The following ZFP2 variants were observed in gnomAD, a reference collection of about 807,000 sequenced individuals.
The protein encoded by ZFP2 is zinc finger protein ZFP2.
In ZFP2, 33 loss-of-function variants were observed where a neutral mutation model predicts 36.1. The observed-to-expected ratio is 0.92, with a 90% CI of 0.69 to 1.22. ZFP2 has a LOEUF of 1.22. ZFP2 is among the 50% of genes most tolerant of loss of function. The probability of loss-of-function intolerance (pLI) is 0.00; values close to 1 mark genes in which losing one functional copy is unlikely to be tolerated. For synonymous variants in ZFP2, 170 were observed against 178.0 expected (o/e 0.96, Z 0.36); for missense variants, 522 against 551.4 (o/e 0.95, Z 0.53).
chr5:178,916,123 C>G (rs1758426342), intron 3 of ZFP2, among the ~76,000 whole-genome samples: 1 of 140,096 alleles, frequency 7.1e-6, no homozygotes. Context: ...GGTGAGTGGT[C>G]CAAGGAGGAG....
intron 4 of ZFP2, 119 bp from the exon 5 acceptor site, chr5:178,931,118 A>C (rs534524667): frequency 2.6e-6 from 3 of 1,160,612 alleles, no homozygotes; most frequent in South Asian, 4.0e-5. Flanking sequence ...AAAGCTCTCA[A>C]ATGTGCTCAG....
In ZFP2 at chr5:178,931,269, A is replaced by G. The variant is rs145974592; in HGVS notation, c.-45A>G. 2 of 1,525,826 alleles carry G rather than the reference A, an allele frequency of 1.3e-6. No homozygotes were observed. The highest frequency in any genetic ancestry group is 2.3e-5 in the East Asian group (1 of 44,066). The allele number at this position is 1,525,826 out of a possible 1,614,324, so 94.5% of individuals were successfully genotyped here. On this transcript the variant is annotated 5_prime_UTR_variant, in exon 5 of 5. Transcript: ENST00000361362. ...GACAAGACTTGAAACCAAAGAGCCA[A>G]CTCCGAAGCCGGGTATTACTGAAGA...
Position 178,932,531 on chromosome 5 carries a change from T to A in ZFP2, c.1218T>A (p.Gly406=), listed in dbSNP as rs372196299. The A allele has an allele frequency of 6.2e-7, 1 of 1,613,628 alleles. No individual in the cohort carries two copies. Among genetic ancestry groups the A allele is most frequent in the African/African-American group, 1.3e-5 (1 of 74,802 alleles). Residue 406 remains glycine (G), a synonymous_variant, in exon 5 of 5, where the codon GGT becomes GGA. Coordinates refer to ENST00000361362, the MANE Select transcript of ZFP2 (RefSeq NM_030613.4). The part of the protein sequence containing the change: ...YLIEHQRIHT[G]EKPYECDQCG... The stretch of plus-strand genomic sequence containing the variant: ...TTGAACATCAAAGAATTCATACTGG[T>A]GAGAAACCCTATGAATGTGATCAGT...
At position 178,931,713 on chromosome 5, in the gene ZFP2, G is replaced by A. The variant is rs114234309; in HGVS notation, c.400G>A (p.Val134Ile). 6.2e-7 allele frequency: 1 copy of A among 1,614,126 alleles called. No individual in the cohort carries two copies. Among genetic ancestry groups the A allele is most frequent in the East Asian group, 2.2e-5 (1 of 44,876 alleles). The change falls in exon 5 of 5, where the codon GTA (valine) becomes ATA (isoleucine). Residue 134 changes from valine to isoleucine, a missense_variant. Transcript: ENST00000361362. ...TGGGGAGAAACCCTATAAGTGTAAT[G>A]TATGTGGGAAACACTTCATTGAACG... ...HTGEKPYKCN[V>I]CGKHFIERSS...
intron 1 of ZFP2, chr5:178,910,205 G>A: frequency 1.3e-6 from 2 of 1,578,460 alleles, no homozygotes; most frequent in Non-Finnish European, 8.7e-7. Flanking sequence ...ATTTGCACAT[G>A]GTTGCAGCCT....
chr5:178,910,328 G>T lies in ZFP2; in HGVS notation c.-449-2256G>T, dbSNP rs1353924716. On this transcript the variant is annotated intron_variant, in intron 1 of 4. Coordinates refer to ENST00000361362, the MANE Select transcript of ZFP2 (RefSeq NM_030613.4). ...TTGCATCTTCCCACTCATCCTTGTAGCACCTGAACAGTTCTTCCAACCCCT... is the reference window on the plus strand; with the variant it reads ...TTGCATCTTCCCACTCATCCTTGTATCACCTGAACAGTTCTTCCAACCCCT... 5 of 1,179,018 alleles carry T rather than the reference G, an allele frequency of 4.2e-6. No homozygotes were observed. The South Asian group carries it at 4.9e-5, about 11-fold the overall frequency. The allele number at this position is 1,179,018 out of a possible 1,614,324, so 73.0% of individuals were successfully genotyped here.
At position 178,897,152 on chromosome 5, in the gene ZFP2, A is replaced by G. The variant is rs893679660; in HGVS notation, c.-450+1178A>G. Among the ~76,000 whole-genome samples the G allele has an allele frequency of 1.4e-4, 21 of 151,986 alleles. 1 individual carries two copies. The highest frequency in any genetic ancestry group is 1.2e-3 in the Admixed American group (19 of 15,240). On this transcript the variant is annotated intron_variant, in intron 1 of 4. Coordinates refer to ENST00000361362, the MANE Select transcript of ZFP2 (RefSeq NM_030613.4). ...AGTGAAATTTCTAGGTCCAGGGTAC[A>G]GTAAGGATTTTGATACCTCCTGTCT... is the stretch of plus-strand genomic sequence containing the variant.
rs12187167 is a variant in ZFP2 at position 178,932,821 on chromosome 5, G to A, written c.*122G>A. ...GAATCTTTCAGTTGAAGTACAATAT[G>A]TCATATCAGATAATACCACTGCAGA... On this transcript the variant is annotated 3_prime_UTR_variant, in exon 5 of 5. Coordinates refer to ENST00000361362, the MANE Select transcript of ZFP2 (RefSeq NM_030613.4). 0.085 allele frequency: 104,123 copies of A among 1,223,832 alleles called. 5,041 individuals are homozygous for A. The highest frequency in any genetic ancestry group is 0.096 in the Non-Finnish European group (85,627 of 895,406). 75.8% of individuals were successfully genotyped at this position (1,223,832 alleles called of 1,614,324 possible). A position where few individuals can be genotyped will look rare whatever the true frequency, so the allele number is the denominator to read the frequency against.
chr5:178,929,661 C>T (rs1758775210), intron 4 of ZFP2, among the ~76,000 whole-genome samples: 1 of 152,174 alleles, frequency 6.6e-6, no homozygotes, highest in South Asian at 2.1e-4. Context: ...AACCATTTAA[C>T]CAGTTTCTAA....
chr5:178,927,505 T>C (rs1189611131), intron 4 of ZFP2, among the ~76,000 whole-genome samples: 5 of 151,756 alleles, frequency 3.3e-5, no homozygotes, highest in Non-Finnish European at 5.9e-5. Context: ...TTTGGGGTTT[T>C]TTTTTTTTGA....
rs147910119 is a variant in ZFP2, at chr5:178,932,825, T to C, written c.*126T>C. The C allele has an allele frequency of 8.6e-7, 1 of 1,157,632 alleles. No homozygotes were observed. The highest frequency in any genetic ancestry group is 1.5e-5 in the African/African-American group (1 of 64,708). 71.7% of individuals were successfully genotyped at this position (1,157,632 alleles called of 1,614,324 possible). ...CTTTCAGTTGAAGTACAATATGTCA[T>C]ATCAGATAATACCACTGCAGAGAAT... On this transcript the variant is annotated 3_prime_UTR_variant, in exon 5 of 5. Transcript: ENST00000361362.
intron 1 of ZFP2, among the ~76,000 whole-genome samples, chr5:178,904,997 G>A (rs569597938): frequency 2.6e-4 from 40 of 152,036 alleles, no homozygotes; most frequent in Non-Finnish European, 4.9e-4. Flanking sequence ...CACTGCGCCC[G>A]GCCCATTTTG....
intron 1 of ZFP2, among the ~76,000 whole-genome samples, chr5:178,901,604 C>T (rs1050662980): frequency 2.0e-5 from 3 of 152,072 alleles, no homozygotes; most frequent in Admixed American, 6.5e-5. Context: ...TTCAAATAGC[C>T]GTTTTTCTTA....
rs1165232422 is a variant in ZFP2, at chr5:178,931,357, G to A, written c.44G>A (p.Trp15Ter). Reference protein sequence around the residue: ...GIWHSTLGETWEPNNWLEGQQ... With the variant: ...GIWHSTLGET Reference sequence around the variant, plus strand: ...TGGCATTCTACTCTAGGGGAAACCTGGGAACCTAATAATTGGTTAGAGGGA... The same window carrying A: ...TGGCATTCTACTCTAGGGGAAACCTAGGAACCTAATAATTGGTTAGAGGGA... Residue 15 changes from tryptophan to a stop codon, truncating the protein, a stop_gained, in exon 5 of 5, where the codon TGG becomes TAG. Coordinates refer to ENST00000361362, the MANE Select transcript of ZFP2 (RefSeq NM_030613.4). LOFTEE classifies it low-confidence loss of function (END_TRUNC). 2 of 1,612,978 alleles carry A rather than the reference G, an allele frequency of 1.2e-6. No individual in the cohort carries two copies. The highest frequency in any genetic ancestry group is 1.7e-6 in the Non-Finnish European group (2 of 1,179,664).
intron 1 of ZFP2, among the ~76,000 whole-genome samples, chr5:178,901,229 GT>G (rs1335307135): frequency 6.6e-6 from 1 of 152,174 alleles, no homozygotes; most frequent in Non-Finnish European, 1.5e-5. Flanking sequence ...CAGCTAAACT[GT>G]TTTCCAAAGT....
At chr5:178,922,325 C>G in intron 4 of ZFP2, 3 of 957,180 alleles carry the variant, frequency 3.1e-6, no homozygotes, top group Non-Finnish European at 3.4e-6. Context: ...TATCTACTTT[C>G]TTATGTCTTG....
chr5:178,922,944 C>T (rs1489751918), intron 4 of ZFP2, among the ~76,000 whole-genome samples: 1 of 149,276 alleles, frequency 6.7e-6, no homozygotes, highest in African/African-American at 2.4e-5. Flanking sequence ...ATATAATTTC[C>T]TCTAAGCATT....
chr5:178,917,406 A>G (rs1211299526), intron 4 of ZFP2, among the ~76,000 whole-genome samples: 1 of 152,092 alleles, frequency 6.6e-6, no homozygotes, highest in African/African-American at 2.4e-5. Context: ...CTTGAGGTCA[A>G]GAGTTCGAGA....
At chr5:178,927,666 TG>T (rs1561684989) in intron 4 of ZFP2, among the ~76,000 whole-genome samples, 1,568 of 106,102 alleles carry the variant, frequency 0.015, 19 homozygotes, top group Non-Finnish European at 0.018. Flanking sequence ...CTGGCCAATG[TG>T]TGTGTGTGTG....
Sources: gnomAD v4.1 joint callset for allele counts (sites outside exome capture counted in the v4.1 genomes callset) on GRCh38, gnomAD v4.1.1 for gene constraint, MANE v1.5 for transcripts, NCBI Gene and HGNC (gene_info 2026-07-23, HGNC 2026-07-21) for gene names.